The following MCCC2 variants were observed in gnomAD, a reference collection of about 807,000 sequenced individuals.
The protein encoded by MCCC2 is methylcrotonyl-CoA carboxylase subunit 2.
Under a neutral mutation model 77.2 loss-of-function variants are expected in MCCC2, and 52 were observed. That is an observed-to-expected ratio of 0.67 (90% CI 0.54 to 0.85). MCCC2 has a LOEUF of 0.85. MCCC2 is among the 40% of genes least tolerant of loss of function. The pLI is 0.00. For synonymous variants in MCCC2, 253 were observed against 248.4 expected (o/e 1.02, Z -0.18); for missense variants, 682 against 703.2 (o/e 0.97, Z 0.34).
chr5:71,633,131 A>ATATT (rs1554137344), intron 8 of MCCC2, among the ~76,000 whole-genome samples: 6 of 78,094 alleles, frequency 7.7e-5, no homozygotes, highest in African/African-American at 2.0e-4. Context: ...ATATATATAT[A>ATATT]TTTTTATTTT....
intron 8 of MCCC2, among the ~76,000 whole-genome samples, chr5:71,633,091 T>TTTTATA (rs1172020093): frequency 1.8e-4 from 15 of 84,242 alleles, no homozygotes; most frequent in African/African-American, 6.6e-4. Context: ...TTTTTCAGTT[T>TTTTATA]TATATATATA....
intron 6 of MCCC2, among the ~76,000 whole-genome samples, chr5:71,611,405 A>G (rs1745938407): frequency 6.6e-6 from 1 of 152,234 alleles, no homozygotes; most frequent in African/African-American, 2.4e-5. Flanking sequence ...CTGTCTCACA[A>G]AAGAAAAAGA....
At chr5:71,589,225 T>A (rs1399962007) in intron 1 of MCCC2, among the ~76,000 whole-genome samples, 1 of 152,232 alleles carries the variant, frequency 6.6e-6, no homozygotes, top group Non-Finnish European at 1.5e-5. Flanking sequence ...GAACTGCCAT[T>A]AATACAAAGA....
intron 10 of MCCC2, chr5:71,635,939 T>A (rs1746912259): frequency 6.3e-6 from 1 of 159,206 alleles, no homozygotes; most frequent in Admixed American, 6.2e-5. Context: ...AAGAAAAAAA[T>A]TAAATTGCAT....
intron 6 of MCCC2, among the ~76,000 whole-genome samples, chr5:71,607,251 AGCTC>A (rs1425091472): frequency 6.6e-6 from 1 of 151,986 alleles, no homozygotes; most frequent in African/African-American, 2.4e-5. Context: ...CCACAATTTC[AGCTC>A]CTGTTATTGG....
At position 71,599,704 on chromosome 5, in the gene MCCC2, T is replaced by G; in HGVS notation, c.327T>G (p.Tyr109Ter). ...ELSQFAGYQL[Y>*]DNEEVPGGGI... ...CCCAGTTTGCAGGTTACCAGTTATA[T>G]GACAATGAGGAGGTGCCAGGAGGTG... Residue 109 changes from tyrosine to a stop codon, truncating the protein, a stop_gained, in exon 4 of 17, where the codon TAT becomes TAG. Coordinates refer to ENST00000340941, the MANE Select transcript of MCCC2 (RefSeq NM_022132.5). LOFTEE classifies it high-confidence loss of function. 1 of 1,614,150 alleles carries G rather than the reference T, an allele frequency of 6.2e-7. No individual in the cohort carries two copies. Among genetic ancestry groups the G allele is most frequent in the Non-Finnish European group, 8.5e-7 (1 of 1,180,002 alleles).
chr5:71,651,116 G>T (rs528712330), intron 15 of MCCC2, among the ~76,000 whole-genome samples: 5 of 152,156 alleles, frequency 3.3e-5, no homozygotes, highest in Non-Finnish European at 7.3e-5. Context: ...AGTATCTGAG[G>T]CATAAAGATG....
At chr5:71,631,609 C>T (rs1019263850) in intron 7 of MCCC2, among the ~76,000 whole-genome samples, 3 of 150,314 alleles carry the variant, frequency 2.0e-5, no homozygotes, top group Non-Finnish European at 2.9e-5. Flanking sequence ...GGCGCAATCT[C>T]GGCTCACTGC....
intron 10 of MCCC2, among the ~76,000 whole-genome samples, chr5:71,637,392 G>A (rs976208525): frequency 6.6e-6 from 1 of 152,220 alleles, no homozygotes; most frequent in Non-Finnish European, 1.5e-5. Context: ...GCATATAAAA[G>A]TTATATTTAT....
rs760420191 is a variant in MCCC2 at position 71,626,668 on chromosome 5, C to T, written c.653C>T (p.Ala218Val). 23 of 1,613,980 alleles carry T rather than the reference C, an allele frequency of 1.4e-5. No individual in the cohort carries two copies. The South Asian group carries it at 2.5e-4, about 18-fold the overall frequency. The change falls in exon 7 of 17, where the codon GCA becomes GTA. Residue 218 changes from alanine (A) to valine (V), a missense_variant. Transcript: ENST00000340941. The stretch of plus-strand genomic sequence containing the variant: ...GCAGTGGTCATGGGCTCCTGCACCG[C>T]AGGAGGAGCCTATGTGCCTGCCATG... ...QIAVVMGSCT[A>V]GGAYVPAMAD...
intron 10 of MCCC2, chr5:71,636,731 TAAAC>T (rs1746944589): frequency 6.6e-6 from 1 of 151,422 alleles, no homozygotes; most frequent in African/African-American, 2.4e-5. Flanking sequence ...AAGATAAAAA[TAAAC>T]AAATAAATAA....
intron 1 of MCCC2, among the ~76,000 whole-genome samples, chr5:71,591,847 G>C (rs888568305): frequency 1.3e-5 from 2 of 152,076 alleles, no homozygotes; most frequent in African/African-American, 4.8e-5. Context: ...CAAACTCCTG[G>C]GCTCAAGAGA....
At chr5:71,610,712 C>T (rs972534252) in intron 6 of MCCC2, among the ~76,000 whole-genome samples, 6 of 152,170 alleles carry the variant, frequency 3.9e-5, no homozygotes, top group Non-Finnish European at 5.9e-5. Flanking sequence ...TTAGGCCAGG[C>T]GCGGTGGCTC....
intron 7 of MCCC2, among the ~76,000 whole-genome samples, chr5:71,631,269 G>A (rs1019215352): frequency 2.0e-5 from 3 of 152,222 alleles, no homozygotes; most frequent in South Asian, 2.1e-4. Context: ...GACACATGCC[G>A]TGTTGGAGGT....
At chr5:71,594,267 G>A (rs900055814) in intron 2 of MCCC2, among the ~76,000 whole-genome samples, 2 of 152,082 alleles carry the variant, frequency 1.3e-5, no homozygotes, top group African/African-American at 4.8e-5. Flanking sequence ...AGTGGCTCAC[G>A]CCTGTAATCC....
rs1747634841 is a variant in MCCC2, at chr5:71,658,228, C to G, written c.*1368C>G. 6.6e-6 allele frequency: 1 copy of G among 152,166 alleles called. No homozygotes were observed. Among genetic ancestry groups the G allele is most frequent in the African/African-American group, 2.4e-5 (1 of 41,438 alleles). The allele number at this position is 152,166 out of a possible 1,614,324, so 9.4% of individuals were successfully genotyped here. A position where few individuals can be genotyped will look rare whatever the true frequency, so the allele number is the denominator to read the frequency against. ...ACACCGGAGAACGGCTCCAGCTGTT[C>G]TAGCTCTCTTTCAGTTCTTTGAACC... On this transcript the variant is annotated 3_prime_UTR_variant, in exon 17 of 17. Coordinates refer to ENST00000340941, the MANE Select transcript of MCCC2 (RefSeq NM_022132.5).
chr5:71,644,014 G>A (rs998167328), intron 12 of MCCC2, 119 bp downstream of exon 12: 66 of 1,168,906 alleles, frequency 5.6e-5, no homozygotes, highest in Admixed American at 2.5e-4. Context: ...TCAGCAACCA[G>A]AACACTGTGT....
chr5:71,599,565 A>G, intron 3 of MCCC2, 94 bp from the exon 4 acceptor site: 1 of 964,274 alleles, frequency 1.0e-6, no homozygotes, highest in Non-Finnish European at 1.6e-6. Flanking sequence ...ATATTGTCCC[A>G]TTGAGGAAAA....
At chr5:71,645,515 C>T (rs1747251306) in intron 12 of MCCC2, among the ~76,000 whole-genome samples, 1 of 152,134 alleles carries the variant, frequency 6.6e-6, no homozygotes. Context: ...GGAATGTTGG[C>T]AAGGATGATA....
Sources: allele counts gnomAD v4.1 joint callset (sites outside exome capture counted in the v4.1 genomes callset), GRCh38; gene constraint gnomAD v4.1.1; transcripts MANE v1.5; gene names NCBI Gene and HGNC (gene_info 2026-07-23, HGNC 2026-07-21).